INSYN2B: variants seen among roughly 807,000 people sequenced by gnomAD.
The protein encoded by INSYN2B is protein INSYN2B.
Under a neutral mutation model 41.2 loss-of-function variants are expected in INSYN2B, and 16 were observed. The observed-to-expected ratio is 0.39, with a 90% CI of 0.26 to 0.59. The LOEUF is 0.59. INSYN2B is among the 20% of genes least tolerant of loss of function. The probability of loss-of-function intolerance (pLI) is 0.57; values close to 1 mark genes in which losing one functional copy is unlikely to be tolerated. For synonymous variants in INSYN2B, 245 were observed against 244.4 expected (o/e 1.00, Z -0.02); for missense variants, 608 against 646.4 (o/e 0.94, Z 0.64).
At chr5:169,871,694 A>T (rs1771984486) in intron 3 of INSYN2B, among the ~76,000 whole-genome samples, 1 of 152,168 alleles carries the variant, frequency 6.6e-6, no homozygotes, top group African/African-American at 2.4e-5. Context: ...ATTGCAAAAT[A>T]TGTAGGGTGG....
At chr5:169,866,970 TC>T (rs933531949) in intron 3 of INSYN2B, among the ~76,000 whole-genome samples, 7 of 152,090 alleles carry the variant, frequency 4.6e-5, no homozygotes, top group Non-Finnish European at 1.0e-4. Flanking sequence ...CCACAAGACT[TC>T]CCCCCACTTA....
At chr5:169,954,108 C>T (rs1418037518) in intron 1 of INSYN2B, among the ~76,000 whole-genome samples, 5 of 152,220 alleles carry the variant, frequency 3.3e-5, no homozygotes, top group Non-Finnish European at 5.9e-5. Context: ...ATCAAACATA[C>T]TGAAAGTCAC....
intron 1 of INSYN2B, among the ~76,000 whole-genome samples, chr5:169,940,026 C>T (rs905721164): frequency 3.9e-5 from 6 of 152,186 alleles, no homozygotes; most frequent in Non-Finnish European, 7.3e-5. Flanking sequence ...CAACACCTCC[C>T]ATTCCCCAGG....
chr5:169,876,675 C>T (rs1025093610), intron 3 of INSYN2B, among the ~76,000 whole-genome samples: 1 of 152,378 alleles, frequency 6.6e-6, no homozygotes, highest in South Asian at 2.1e-4. Context: ...TACGGGCTTA[C>T]ATTCAGCTTA....
At chr5:169,907,400 T>C (rs1040858200) in intron 1 of INSYN2B, among the ~76,000 whole-genome samples, 2 of 152,244 alleles carry the variant, frequency 1.3e-5, no homozygotes, top group African/African-American at 2.4e-5. Flanking sequence ...TCCTGTTTAC[T>C]CTCTGCTGGG....
chr5:169,966,761 C>T (rs941976544), intron 1 of INSYN2B, among the ~76,000 whole-genome samples: 7 of 152,120 alleles, frequency 4.6e-5, no homozygotes, highest in Non-Finnish European at 8.8e-5. Flanking sequence ...AAAATGAGGC[C>T]GGAAAGAATG....
At chr5:169,979,681 A>C (rs989329397) in intron 1 of INSYN2B, among the ~76,000 whole-genome samples, 2 of 152,188 alleles carry the variant, frequency 1.3e-5, no homozygotes, top group African/African-American at 4.8e-5. Context: ...TTAACAGCCA[A>C]ATGCAGGTAA....
rs777851595 is a variant in INSYN2B, at chr5:169,980,489, A to G, written c.-1131T>C. Reference sequence around the variant, plus strand: ...TGCTCGGCAGCTACCATGTGAAAAGAAAAGACCTCTAGTGGCCACAGGCTG... The same window carrying G: ...TGCTCGGCAGCTACCATGTGAAAAGGAAAGACCTCTAGTGGCCACAGGCTG... On this transcript the variant is annotated 5_prime_UTR_variant, in exon 1 of 4. Transcript: ENST00000377365. 2 of 152,186 alleles carry G rather than the reference A, an allele frequency of 1.3e-5. No individual in the cohort carries two copies. The highest frequency in any genetic ancestry group is 2.9e-5 in the Non-Finnish European group (2 of 68,042). 9.4% of individuals were successfully genotyped at this position (152,186 alleles called of 1,614,324 possible). A position where few individuals can be genotyped will look rare whatever the true frequency, so the allele number is the denominator to read the frequency against.
At position 169,865,651 on chromosome 5, in the gene INSYN2B, G is replaced by A. The variant is rs543169991; in HGVS notation, c.1422-1192C>T. Among the ~76,000 whole-genome samples, 3 of 152,296 alleles carry A rather than the reference G, an allele frequency of 2.0e-5. No individual in the cohort carries two copies. In the South Asian group the frequency reaches 6.2e-4, roughly 32 times the overall value. Reference sequence around the variant, plus strand: ...GTTTGTTACCTGGTTTCATACCAGGGGTCTCAGAAGGCCCAAGGATGAGGA... The same window carrying A: ...GTTTGTTACCTGGTTTCATACCAGGAGTCTCAGAAGGCCCAAGGATGAGGA... On this transcript the variant is annotated intron_variant, in intron 3 of 3. Coordinates refer to ENST00000377365, the MANE Select transcript of INSYN2B (RefSeq NM_001129891.3).
intron 1 of INSYN2B, among the ~76,000 whole-genome samples, chr5:169,918,041 G>A (rs1431919083): frequency 2.6e-5 from 4 of 152,166 alleles, no homozygotes; most frequent in East Asian, 1.9e-4. Context: ...TGGGATCTGA[G>A]GATTAGCATA....
At chr5:169,910,449 A>G (rs1774530673) in intron 1 of INSYN2B, among the ~76,000 whole-genome samples, 1 of 152,184 alleles carries the variant, frequency 6.6e-6, no homozygotes, top group Admixed American at 6.5e-5. Context: ...TTTTAAAAAA[A>G]GATCAGCAGA....
rs144033605 is a variant in INSYN2B at position 169,942,686 on chromosome 5, G to A, written c.-919+37591C>T. On this transcript the variant is annotated intron_variant, in intron 1 of 3. Coordinates refer to ENST00000377365, the MANE Select transcript of INSYN2B (RefSeq NM_001129891.3). ...GGAGTTGGCCTTGGCCCTGCAAGCA[G>A]TACAGAGAAATAGAGGACACAGCTC... Among the ~76,000 whole-genome samples the A allele has an allele frequency of 3.5e-3, 531 of 152,310 alleles. 5 individuals are homozygous for A. The South Asian group carries it at 0.043, about 12-fold the overall frequency.
At chr5:169,872,420 C>A (rs1772037700) in intron 3 of INSYN2B, among the ~76,000 whole-genome samples, 1 of 152,206 alleles carries the variant, frequency 6.6e-6, no homozygotes, top group Non-Finnish European at 1.5e-5. Context: ...AAACTTTCTC[C>A]TAATGACAAG....
At chr5:169,949,847 T>C (rs1010461652) in intron 1 of INSYN2B, among the ~76,000 whole-genome samples, 1 of 151,856 alleles carries the variant, frequency 6.6e-6, no homozygotes, top group Non-Finnish European at 1.5e-5. Context: ...GGTTTCATTT[T>C]TGAAGTGGCA....
chr5:169,887,442 T>G (rs934281772), intron 1 of INSYN2B, among the ~76,000 whole-genome samples: 1 of 152,152 alleles, frequency 6.6e-6, no homozygotes, highest in African/African-American at 2.4e-5. Flanking sequence ...ACATTCATTC[T>G]AGCCTTCTCC....
rs1197995117 is a variant in INSYN2B, at chr5:169,863,525, T to C, written c.*748A>G. On this transcript the variant is annotated 3_prime_UTR_variant, in exon 4 of 4. Transcript: ENST00000377365. Reference sequence around the variant, plus strand: ...GGCCCTAGGCAGAGAAGAAGCATGATGGTTTAGGGTGGGCCCTGGAACAGC... The same window carrying C: ...GGCCCTAGGCAGAGAAGAAGCATGACGGTTTAGGGTGGGCCCTGGAACAGC... Among the ~76,000 whole-genome samples, 1 of 152,200 alleles carries C rather than the reference T, an allele frequency of 6.6e-6. No homozygotes were observed. Among genetic ancestry groups the C allele is most frequent in the Non-Finnish European group, 1.5e-5 (1 of 68,038 alleles).
At chr5:169,878,836 G>T (rs1330185186) in intron 3 of INSYN2B, among the ~76,000 whole-genome samples, 1 of 152,194 alleles carries the variant, frequency 6.6e-6, no homozygotes, top group Non-Finnish European at 1.5e-5. Flanking sequence ...CTCACTTCCT[G>T]TGGAGTCTAC....
At chr5:169,945,844 T>A (rs566986638) in intron 1 of INSYN2B, among the ~76,000 whole-genome samples, 4 of 152,338 alleles carry the variant, frequency 2.6e-5, no homozygotes, top group South Asian at 2.1e-4. Flanking sequence ...TTGTGCAGCC[T>A]GATTTTTCTT....
At chr5:169,916,276 C>T (rs1774871139) in intron 1 of INSYN2B, among the ~76,000 whole-genome samples, 1 of 152,242 alleles carries the variant, frequency 6.6e-6, no homozygotes, top group Middle Eastern at 3.4e-3. Flanking sequence ...TGTGTTTGTC[C>T]AACAGGAGCC....
Sources: allele counts gnomAD v4.1 joint callset (sites outside exome capture counted in the v4.1 genomes callset), GRCh38; gene constraint gnomAD v4.1.1; transcripts MANE v1.5; gene names NCBI Gene and HGNC (gene_info 2026-07-23, HGNC 2026-07-21).